The following MAP3K19 variants were observed in gnomAD, a reference collection of about 807,000 sequenced individuals.
MAP3K19 encodes the protein SPS1/STE20-related protein kinase YSK4.
A neutral mutation model predicts 114.4 loss-of-function variants in MAP3K19; 91 were observed. The observed-to-expected ratio is 0.80, with a 90% CI of 0.67 to 0.95. The LOEUF (loss-of-function observed/expected upper bound fraction) is 0.95, where lower values mean the gene tolerates loss of function less well. MAP3K19 is among the 40% of genes least tolerant of loss of function. The pLI is 0.00. For synonymous variants in MAP3K19, 518 were observed against 530.5 expected (o/e 0.98, Z 0.32); for missense variants, 1,471 against 1,573.2 (o/e 0.94, Z 1.10).
At chr2:135,005,391 A>T (rs781671947) in intron 6 of MAP3K19, 44 bp downstream of exon 6, 1 of 1,398,760 alleles carries the variant, frequency 7.1e-7, no homozygotes, top group Non-Finnish European at 1.0e-6. Context: ...AGCCCATATG[A>T]TAATGTTATC....
intron 6 of MAP3K19, among the ~76,000 whole-genome samples, chr2:135,002,475 G>A (rs1686513008): frequency 6.6e-6 from 1 of 151,762 alleles, no homozygotes; most frequent in African/African-American, 2.4e-5. Flanking sequence ...CATAATAGGA[G>A]CATATATCAA....
At chr2:135,038,678 G>A (rs143043417) in intron 2 of MAP3K19, among the ~76,000 whole-genome samples, 2,806 of 151,922 alleles carry the variant, frequency 0.018, 31 homozygotes, top group East Asian at 0.056. Context: ...GCAACATGGC[G>A]AAACCCCATC....
intron 2 of MAP3K19, among the ~76,000 whole-genome samples, chr2:135,037,974 G>A (rs1250842355): frequency 6.6e-6 from 1 of 152,070 alleles, no homozygotes; most frequent in East Asian, 1.9e-4. Context: ...ATTCTGGCAC[G>A]CTAACTCATT....
At chr2:134,993,899 T>C (rs1248309812) in intron 8 of MAP3K19, among the ~76,000 whole-genome samples, 1 of 152,170 alleles carries the variant, frequency 6.6e-6, no homozygotes, top group East Asian at 1.9e-4. Flanking sequence ...TACTCCCAGC[T>C]ACTCAGGAGG....
chr2:134,968,130 A>C (rs891045905), intron 12 of MAP3K19, among the ~76,000 whole-genome samples: 14 of 152,080 alleles, frequency 9.2e-5, no homozygotes, highest in Non-Finnish European at 1.8e-4. Context: ...AATCCATTTA[A>C]CCCTGAGTGG....
Position 135,027,415 on chromosome 2 carries a change from G to A in MAP3K19, c.-94-2674C>T, listed in dbSNP as rs1359126000. 4.0e-5 allele frequency among the ~76,000 whole-genome samples: 6 copies of A among 149,636 alleles called. No homozygotes were observed. In the East Asian group the frequency reaches 1.2e-3, roughly 30 times the overall value. On this transcript the variant is annotated intron_variant, in intron 3 of 12. Transcript: ENST00000392915. Reference sequence around the variant, plus strand: ...AAGAAAGAAAAGAAAGAAAGAAAAGGATGGGAGGGAGGGAGGGAAAGGGTA... The same window carrying A: ...AAGAAAGAAAAGAAAGAAAGAAAAGAATGGGAGGGAGGGAGGGAAAGGGTA...
intron 4 of MAP3K19, chr2:135,023,465 C>T (rs16831256): frequency 0.13 from 69,988 of 533,098 alleles, 6,635 homozygotes; most frequent in South Asian, 0.28. Context: ...ACCTTTCAAC[C>T]GGTCCTTTCC....
At chr2:135,032,187 T>A (rs1475009964) in intron 2 of MAP3K19, among the ~76,000 whole-genome samples, 1 of 151,800 alleles carries the variant, frequency 6.6e-6, no homozygotes, top group African/African-American at 2.4e-5. Flanking sequence ...TGAAACCCCA[T>A]CTCTACTAAA....
At chr2:135,018,019 C>T (rs1241792613) in intron 5 of MAP3K19, among the ~76,000 whole-genome samples, 5 of 152,154 alleles carry the variant, frequency 3.3e-5, no homozygotes, top group African/African-American at 4.8e-5. Flanking sequence ...AGGCCGGGTA[C>T]GGTGGCTCAT....
intron 3 of MAP3K19, among the ~76,000 whole-genome samples, chr2:135,029,245 G>A (rs755274285): frequency 2.0e-5 from 3 of 152,190 alleles, no homozygotes; most frequent in South Asian, 4.1e-4. Flanking sequence ...GCATGGTGGC[G>A]GGCGCCTGTA....
intron 4 of MAP3K19, among the ~76,000 whole-genome samples, chr2:135,023,820 C>T (rs966270649): frequency 2.6e-5 from 4 of 152,036 alleles, no homozygotes; most frequent in South Asian, 2.1e-4. Context: ...GTAGCCAACA[C>T]GATAGGAACA....
intron 5 of MAP3K19, among the ~76,000 whole-genome samples, chr2:135,015,139 T>C (rs929460410): frequency 3.3e-5 from 5 of 152,246 alleles, no homozygotes; most frequent in African/African-American, 9.6e-5. Flanking sequence ...TCTAAATTAT[T>C]CTAACAGTTC....
At chr2:134,998,638 GT>G in intron 8 of MAP3K19, 99 bp downstream of exon 8, 1 of 1,284,188 alleles carries the variant, frequency 7.8e-7, no homozygotes, top group Non-Finnish European at 1.1e-6. Flanking sequence ...TTTCTGGTAT[GT>G]TCACTGCTTT....
intron 12 of MAP3K19, among the ~76,000 whole-genome samples, chr2:134,978,035 T>G (rs986225294): frequency 6.6e-6 from 1 of 152,154 alleles, no homozygotes; most frequent in Non-Finnish European, 1.5e-5. Context: ...TTCTTACACC[T>G]TGGGGCAACT....
intron 1 of MAP3K19, among the ~76,000 whole-genome samples, chr2:135,044,967 T>C (rs1688711425): frequency 6.6e-6 from 1 of 152,216 alleles, no homozygotes; most frequent in South Asian, 2.1e-4. Context: ...TGTACTTATA[T>C]GTACAAGGTT....
chr2:134,985,671 G>A, intron 10 of MAP3K19, 129 bp downstream of exon 10: 1 of 818,616 alleles, frequency 1.2e-6, no homozygotes, highest in Non-Finnish European at 1.8e-6. Flanking sequence ...TGATCAAACA[G>A]TGAGACCTTG....
In MAP3K19 at chr2:134,977,356, ATTTT is replaced by A. The variant is rs774277347; in HGVS notation, c.3920+3461_3920+3464del. On this transcript the variant is annotated intron_variant, in intron 12 of 12. Coordinates refer to ENST00000392915, the MANE Select transcript of MAP3K19 (RefSeq NM_025052.5). ...ACAACCATGACTTGCTAATTTTTAA[ATTTT>A]TTTTTTTTTTTTTTTTTTTTGAGAT... Among the ~76,000 whole-genome samples, 129 of 86,836 alleles carry A rather than the reference ATTTT, an allele frequency of 1.5e-3. 2 individuals are homozygous for A. In the Middle Eastern group the frequency reaches 0.12, roughly 79 times the overall value. The allele number at this position is 86,836 out of a possible 152,430, so 57.0% of individuals were successfully genotyped here. A position where few individuals can be genotyped will look rare whatever the true frequency, so the allele number is the denominator to read the frequency against.
At chr2:134,984,833 T>TC (rs1431913870) in intron 10 of MAP3K19, among the ~76,000 whole-genome samples, 1 of 152,116 alleles carries the variant, frequency 6.6e-6, no homozygotes, top group African/African-American at 2.4e-5. Flanking sequence ...GTGCCTGTAA[T>TC]CCCAGCTACT....
intron 6 of MAP3K19, among the ~76,000 whole-genome samples, chr2:135,004,930 T>C (rs1686708633): frequency 6.6e-6 from 1 of 151,938 alleles, no homozygotes; most frequent in Non-Finnish European, 1.5e-5. Context: ...AGGAAGAAAT[T>C]GGGGAAAGGA....
Sources: allele counts gnomAD v4.1 joint callset (sites outside exome capture counted in the v4.1 genomes callset), GRCh38; gene constraint gnomAD v4.1.1; transcripts MANE v1.5; gene names NCBI Gene and HGNC (gene_info 2026-07-23, HGNC 2026-07-21).